Variants in NLN observed in about 807,000 individuals in gnomAD.
NLN encodes the protein neurolysin.
A neutral mutation model predicts 79.9 loss-of-function variants in NLN; 64 were observed. The ratio of observed to expected loss-of-function variants is 0.80; its 90% CI spans 0.65 to 0.99. The LOEUF (loss-of-function observed/expected upper bound fraction) is 0.99, where lower values mean the gene tolerates loss of function less well. NLN is among the 50% of genes least tolerant of loss of function. The probability of loss-of-function intolerance (pLI) is 0.00; values close to 1 mark genes in which losing one functional copy is unlikely to be tolerated. For missense variants in NLN, 835 were observed against 858.7 expected (o/e 0.97, Z 0.34); for synonymous variants, 267 against 296.6 (o/e 0.90, Z 1.02).
chr5:65,757,145 A>G (rs919907238), intron 1 of NLN, among the ~76,000 whole-genome samples: 1 of 152,198 alleles, frequency 6.6e-6, no homozygotes. Flanking sequence ...CCTGTCACGT[A>G]ACTAGATACA....
intron 12 of NLN, among the ~76,000 whole-genome samples, chr5:65,821,488 G>A (rs942770131): frequency 5.9e-5 from 9 of 152,150 alleles, no homozygotes; most frequent in Non-Finnish European, 8.8e-5. Flanking sequence ...ATATTGACAC[G>A]TGTTGAAATG....
chr5:65,784,981 A>G (rs1310158661), intron 6 of NLN, among the ~76,000 whole-genome samples: 1 of 152,150 alleles, frequency 6.6e-6, no homozygotes, highest in Admixed American at 6.6e-5. Flanking sequence ...AGGGTCATCC[A>G]TGTTGTAGCA....
At chr5:65,789,932 G>A (rs1230890876) in intron 8 of NLN, among the ~76,000 whole-genome samples, 2 of 152,102 alleles carry the variant, frequency 1.3e-5, no homozygotes, top group Non-Finnish European at 2.9e-5. Flanking sequence ...TTGAGATTCT[G>A]TTTCTTCCTC....
chr5:65,723,834 A>G (rs1270103437), intron 1 of NLN, among the ~76,000 whole-genome samples: 1 of 150,740 alleles, frequency 6.6e-6, no homozygotes, highest in East Asian at 1.9e-4. Flanking sequence ...AAAAAAAAAA[A>G]AAGAACAATT....
rs1760148169 is a variant in NLN, at chr5:65,795,168, A to T, written c.1527+2513A>T. ...TAGGGGTTCAAGACCAGGCTGGGCA[A>T]CATGGTGAAAACCCATCTCTACCAA... On this transcript the variant is annotated intron_variant, in intron 9 of 12. Coordinates refer to ENST00000380985, the MANE Select transcript of NLN (RefSeq NM_020726.5). 2.6e-5 allele frequency among the ~76,000 whole-genome samples: 4 copies of T among 152,142 alleles called. No individual in the cohort carries two copies. In the South Asian group the frequency reaches 8.3e-4, roughly 32 times the overall value.
Position 65,785,866 on chromosome 5 carries a change from A to G in NLN, c.914A>G (p.Glu305Gly), listed in dbSNP as rs760509538. The G allele has an allele frequency of 5.6e-6, 9 of 1,613,956 alleles. No homozygotes were observed. Among genetic ancestry groups the G allele is most frequent in the Non-Finnish European group, 7.6e-6 (9 of 1,179,910 alleles). ...GYSTHADFVL[E>G]MNTAKSTSRV... ...AGCACACATGCTGACTTCGTCCTTG[A>G]AATGAACACTGCAAAGAGCACAAGC... is the stretch of plus-strand genomic sequence containing the variant. Residue 305 changes from glutamate (E) to glycine (G), a missense_variant, in exon 7 of 13, where the codon GAA (glutamate) becomes GGA (glycine). By Grantham distance (98) the Glu-to-Gly change is moderately conservative (BLOSUM62 -2). Coordinates refer to ENST00000380985, the MANE Select transcript of NLN (RefSeq NM_020726.5).
intron 9 of NLN, among the ~76,000 whole-genome samples, chr5:65,808,754 G>A (rs1247441391): frequency 6.6e-6 from 1 of 152,054 alleles, no homozygotes; most frequent in African/African-American, 2.4e-5. Flanking sequence ...TACATCCGTT[G>A]TTTCTCTTTT....
chr5:65,795,351 G>T (rs141162384), intron 9 of NLN, among the ~76,000 whole-genome samples: 4,237 of 152,228 alleles, frequency 0.028, 75 homozygotes, highest in South Asian at 0.067. Context: ...GTGTGCCATT[G>T]CACTCCAGCC....
intron 11 of NLN, among the ~76,000 whole-genome samples, chr5:65,811,669 G>A (rs573123568): frequency 2.0e-5 from 3 of 151,916 alleles, no homozygotes; most frequent in East Asian, 1.9e-4. Context: ...TAAAAAATAT[G>A]AAAATTAGCC....
chr5:65,816,126 G>T (rs2121175), intron 12 of NLN, among the ~76,000 whole-genome samples: 1 of 151,834 alleles, frequency 6.6e-6, no homozygotes, highest in Non-Finnish European at 1.5e-5. Context: ...AGAAGGCAGA[G>T]GTTGCAGTGA....
chr5:65,738,723 C>T (rs1239383768), intron 1 of NLN, among the ~76,000 whole-genome samples: 2 of 151,496 alleles, frequency 1.3e-5, no homozygotes, highest in Non-Finnish European at 2.9e-5. Flanking sequence ...CCTCCTTTCA[C>T]CAGCAGTCAC....
In NLN at chr5:65,828,676, G is replaced by A. The variant is rs1393824185; in HGVS notation, c.*5761G>A. On this transcript the variant is annotated 3_prime_UTR_variant, in exon 13 of 13. Coordinates refer to ENST00000380985, the MANE Select transcript of NLN (RefSeq NM_020726.5). ...GTTAAAAATACATTCCGCTGCTGTG[G>A]AAAGCCTGTAGCTGCCAGGAGTGTT... 6.6e-6 allele frequency: 1 copy of A among 152,204 alleles called. No homozygotes were observed. The highest frequency in any genetic ancestry group is 1.5e-5 in the Non-Finnish European group (1 of 68,034). 9.4% of individuals were successfully genotyped at this position (152,204 alleles called of 1,614,324 possible).
rs1373279316 is a variant in NLN, at chr5:65,824,918, A to C, written c.*2003A>C. The C allele has an allele frequency of 6.6e-6, 1 of 152,260 alleles. No individual in the cohort carries two copies. The highest frequency in any genetic ancestry group is 1.9e-4 in the East Asian group (1 of 5,200). The allele number at this position is 152,260 out of a possible 1,614,324, so 9.4% of individuals were successfully genotyped here. Reference sequence around the variant, plus strand: ...GTCAGAGTTCAAGACCAGCATGGTCAACATGGTGAAACCCTGTCTCTACAA... The same window carrying C: ...GTCAGAGTTCAAGACCAGCATGGTCCACATGGTGAAACCCTGTCTCTACAA... On this transcript the variant is annotated 3_prime_UTR_variant, in exon 13 of 13. Transcript: ENST00000380985.
At chr5:65,780,155 C>A in intron 4 of NLN, 24 bp from the exon 5 acceptor site, 1 of 914,190 alleles carries the variant, frequency 1.1e-6, no homozygotes, top group East Asian at 2.5e-5. Context: ...TTGCTAATGC[C>A]CTGTATTTTT....
intron 1 of NLN, among the ~76,000 whole-genome samples, chr5:65,747,175 T>C (rs1049668042): frequency 6.6e-6 from 1 of 152,068 alleles, no homozygotes; most frequent in Non-Finnish European, 1.5e-5. Context: ...GATGCAGCTA[T>C]GTTCGTAGGA....
At chr5:65,795,203 A>G (rs935641729) in intron 9 of NLN, among the ~76,000 whole-genome samples, 5 of 152,010 alleles carry the variant, frequency 3.3e-5, no homozygotes, top group African/African-American at 1.2e-4. Flanking sequence ...AAAATAAAAA[A>G]AATTAGCTGG....
chr5:65,787,262 GT>G (rs1759949558), intron 7 of NLN, among the ~76,000 whole-genome samples: 1 of 151,742 alleles, frequency 6.6e-6, no homozygotes. Context: ...GTATGTGTGT[GT>G]GTGTGTGTGT....
intron 3 of NLN, among the ~76,000 whole-genome samples, chr5:65,768,277 G>A (rs72768015): frequency 0.042 from 6,316 of 152,186 alleles, 178 homozygotes; most frequent in African/African-American, 0.074. Context: ...AATTCCTCTG[G>A]GTGGGAGGCC....
At chr5:65,744,176 G>A (rs2150739247) in intron 1 of NLN, among the ~76,000 whole-genome samples, 1 of 152,220 alleles carries the variant, frequency 6.6e-6, no homozygotes, top group African/African-American at 2.4e-5. Context: ...CAAGTAGCTG[G>A]GACTATAGAT....
Sources: allele counts gnomAD v4.1 joint callset (sites outside exome capture counted in the v4.1 genomes callset), GRCh38; gene constraint gnomAD v4.1.1; transcripts MANE v1.5; gene names NCBI Gene and HGNC (gene_info 2026-07-23, HGNC 2026-07-21).